Variants in EXOC4 observed in about 807,000 individuals in gnomAD.
The protein encoded by EXOC4 is exocyst complex component 4, also known as SEC8-like 1.
Under a neutral mutation model 107.2 loss-of-function variants are expected in EXOC4, and 71 were observed. The observed-to-expected ratio is 0.66, with a 90% confidence interval of 0.55 to 0.81. The LOEUF is 0.81. Among genes scored for constraint, EXOC4 ranks in the 30% least tolerant of loss-of-function variants. The pLI is 0.00. For synonymous variants in EXOC4, 456 were observed against 441.2 expected, an observed-to-expected ratio of 1.03 and a Z score of -0.42; for missense variants, 1,108 against 1,189.6, an observed-to-expected ratio of 0.93 and a Z score of 1.01.
At chr7:133,331,606 C>T (rs868578180) in intron 5 of EXOC4, among the ~76,000 whole-genome samples, 1 of 151,982 alleles carries the variant, frequency 6.6e-6, no homozygotes, top group South Asian at 2.1e-4. Context: ...GCTGGGACTA[C>T]AGGCGCCCGC....
chr7:133,962,518 A>G (rs1375130597), intron 14 of EXOC4, among the ~76,000 whole-genome samples: 2 of 152,170 alleles, frequency 1.3e-5, no homozygotes, highest in Non-Finnish European at 2.9e-5. Context: ...GAGATGTGCC[A>G]CCTTCGACCC....
rs1416334741 is a variant in EXOC4 at position 133,755,234 on chromosome 7, A to AATATATATATTATATATATT, written c.1515-62082_1515-62081insTTATATATATTATATATATA. ...TATGTGTGTGTGTGTATATATATAT[A>AATATATATATTATATATATT]ATATATATAATATATATATTATATA... On this transcript the variant is annotated intron_variant, in intron 10 of 17. Transcript: ENST00000253861. Among the ~76,000 whole-genome samples, 85 of 108,026 alleles carry AATATATATATTATATATATT rather than the reference A, an allele frequency of 7.9e-4. 2 individuals are homozygous for AATATATATATTATATATATT. Among genetic ancestry groups the AATATATATATTATATATATT allele is most frequent in the African/African-American group, 3.1e-3 (78 of 25,252 alleles). The allele number at this position is 108,026 out of a possible 152,430, so 70.9% of individuals were successfully genotyped here.
intron 5 of EXOC4, among the ~76,000 whole-genome samples, chr7:133,328,932 T>G (rs970515915): frequency 6.6e-6 from 1 of 152,170 alleles, no homozygotes; most frequent in Admixed American, 6.5e-5. Context: ...TTTTGTGGTG[T>G]TCTCTGTATT....
At chr7:133,860,301 G>A (rs989033861) in intron 11 of EXOC4, among the ~76,000 whole-genome samples, 16 of 152,132 alleles carry the variant, frequency 1.1e-4, no homozygotes, top group Admixed American at 7.2e-4. Context: ...CGGACAGCTC[G>A]CTCTCCCTTT....
chr7:133,568,086 T>C (rs1800943999), intron 9 of EXOC4, among the ~76,000 whole-genome samples: 1 of 152,236 alleles, frequency 6.6e-6, no homozygotes, highest in African/African-American at 2.4e-5. Flanking sequence ...TTCTGATATG[T>C]AAAAATGTTT....
chr7:133,283,525 T>C (rs138116470), intron 2 of EXOC4, among the ~76,000 whole-genome samples: 2 of 152,372 alleles, frequency 1.3e-5, no homozygotes, highest in East Asian at 3.9e-4. Flanking sequence ...CCTTTTGATA[T>C]AGACCCTGTA....
chr7:133,759,565 A>G (rs1055487203), intron 10 of EXOC4, among the ~76,000 whole-genome samples: 1 of 152,148 alleles, frequency 6.6e-6, no homozygotes, highest in Non-Finnish European at 1.5e-5. Flanking sequence ...TAACTTTTTC[A>G]TGGTTACATG....
chr7:133,330,959 T>G (rs1469997793), intron 5 of EXOC4, among the ~76,000 whole-genome samples: 1 of 151,594 alleles, frequency 6.6e-6, no homozygotes, highest in East Asian at 1.9e-4. Context: ...TTTTAAATAA[T>G]AGTTTATAAG....
chr7:133,344,001 G>T (rs968941886), intron 5 of EXOC4, among the ~76,000 whole-genome samples: 2 of 151,952 alleles, frequency 1.3e-5, no homozygotes, highest in East Asian at 3.9e-4. Flanking sequence ...TTTTTTTGTA[G>T]AGATGGGGTC....
intron 2 of EXOC4, among the ~76,000 whole-genome samples, chr7:133,276,522 T>TAAA (rs1562998565): frequency 5.3e-5 from 8 of 152,308 alleles, no homozygotes; most frequent in Admixed American, 2.0e-4. Flanking sequence ...TTCAGGCATT[T>TAAA]TTAAAGCAGC....
chr7:133,819,943 C>A (rs1194309281), intron 11 of EXOC4, among the ~76,000 whole-genome samples: 1 of 152,108 alleles, frequency 6.6e-6, no homozygotes, highest in Non-Finnish European at 1.5e-5. Flanking sequence ...CCTGTCAGAT[C>A]ACTCCCAACC....
chr7:133,964,175 C>T (rs1486653461), intron 14 of EXOC4, among the ~76,000 whole-genome samples: 1 of 152,112 alleles, frequency 6.6e-6, no homozygotes, highest in Non-Finnish European at 1.5e-5. Context: ...AAACCCCAAA[C>T]CTCCTTAGAA....
intron 13 of EXOC4, among the ~76,000 whole-genome samples, chr7:133,921,002 T>C (rs747988079): frequency 1.2e-4 from 18 of 152,158 alleles, no homozygotes; most frequent in African/African-American, 4.3e-4. Flanking sequence ...GATAGACAGA[T>C]AGATTAATTG....
chr7:133,325,847 A>G (rs1398897799), intron 5 of EXOC4, among the ~76,000 whole-genome samples: 1 of 152,126 alleles, frequency 6.6e-6, no homozygotes, highest in Non-Finnish European at 1.5e-5. Flanking sequence ...TTTCAGGTAC[A>G]CCAATCAGAC....
chr7:133,563,061 A>T (rs747583662), intron 9 of EXOC4, among the ~76,000 whole-genome samples: 10 of 152,088 alleles, frequency 6.6e-5, no homozygotes, highest in Admixed American at 3.9e-4. Flanking sequence ...AAGGAGCACT[A>T]TTGTGGTCAG....
chr7:133,527,772 T>C (rs1255850110), intron 9 of EXOC4, among the ~76,000 whole-genome samples: 2 of 152,210 alleles, frequency 1.3e-5, no homozygotes, highest in African/African-American at 2.4e-5. Context: ...TATGAAGCCC[T>C]ACAAAACAGT....
At chr7:133,372,505 G>C (rs1796399088) in intron 6 of EXOC4, among the ~76,000 whole-genome samples, 1 of 152,132 alleles carries the variant, frequency 6.6e-6, no homozygotes, top group East Asian at 1.9e-4. Context: ...GATGTTAATA[G>C]ATACTGTGAA....
intron 9 of EXOC4, among the ~76,000 whole-genome samples, chr7:133,486,960 A>G (rs1044085489): frequency 6.6e-6 from 1 of 152,232 alleles, no homozygotes; most frequent in Non-Finnish European, 1.5e-5. Context: ...TTCTTATGCC[A>G]AGATTGTTAT....
chr7:133,935,411 C>A (rs1800276695), intron 13 of EXOC4, among the ~76,000 whole-genome samples: 1 of 152,076 alleles, frequency 6.6e-6, no homozygotes, highest in African/African-American at 2.4e-5. Context: ...TTGCTGACCC[C>A]AACAACATCA....
Sources: allele counts gnomAD v4.1 joint callset (sites outside exome capture counted in the v4.1 genomes callset), GRCh38; gene constraint gnomAD v4.1.1; transcripts MANE v1.5; gene names NCBI Gene and HGNC (gene_info 2026-07-23, HGNC 2026-07-21).